Variants in PHF20 observed in about 807,000 individuals in gnomAD.
PHF20 encodes the protein PHD finger protein 20.
PHF20 carries 23 observed loss-of-function variants against 113.5 expected under a neutral mutation model. The ratio of observed to expected loss-of-function variants is 0.20; its 90% confidence interval spans 0.15 to 0.29. The LOEUF (loss-of-function observed/expected upper bound fraction) is 0.29, where lower values mean the gene tolerates loss of function less well. Ranked by LOEUF, PHF20 falls within the 10% of genes least tolerant of loss-of-function variation. The pLI is 1.00. For missense variants in PHF20, 943 were observed against 1,219.6 expected (o/e 0.77, Z 3.38); for synonymous variants, 434 against 457.3 (o/e 0.95, Z 0.65).
chr20:35,780,319 G>T (rs1271138577), intron 1 of PHF20, among the ~76,000 whole-genome samples: 2 of 146,424 alleles, frequency 1.4e-5, no homozygotes, highest in African/African-American at 2.5e-5. Context: ...TCCGCCTCCC[G>T]GGTTTACGCC....
intron 1 of PHF20, among the ~76,000 whole-genome samples, chr20:35,778,529 C>T (rs1386893107): frequency 6.6e-6 from 1 of 152,050 alleles, no homozygotes; most frequent in Non-Finnish European, 1.5e-5. Flanking sequence ...TCGGATGGAT[C>T]ACCTGAAGTC....
In PHF20 at chr20:35,917,619, G is replaced by A. The variant is rs2055430718; in HGVS notation, c.1961G>A (p.Arg654His). The A allele has an allele frequency of 6.2e-7, 1 of 1,614,034 alleles. No individual in the cohort carries two copies. The highest frequency in any genetic ancestry group is 8.5e-7 in the Non-Finnish European group (1 of 1,179,990). The change falls in exon 13 of 18, where the codon CGC becomes CAC. Residue 654 changes from arginine (R) to histidine (H), a missense_variant. Around this residue, in one of 3 missense-constraint regions of PHF20, gnomAD observed 592 missense variants for 787.2 expected, o/e 0.75. Transcript: ENST00000374012. ...GACCGCTATGACTTCGAGGTGGTCCGCTGCATCTGTGAGGTCCAGGAGGAA... is the reference window on the plus strand; with the variant it reads ...GACCGCTATGACTTCGAGGTGGTCCACTGCATCTGTGAGGTCCAGGAGGAA... ...GDDRYDFEVVRCICEVQEEND... is the reference protein window; with the variant it reads ...GDDRYDFEVVHCICEVQEEND...
chr20:35,858,365 C>G lies in PHF20; in HGVS notation c.404C>G (p.Ala135Gly). Reference sequence around the variant, plus strand: ...ACTGTCAAACATATTCATGTCAAAGCTTTTTCCAAAGATCAGGTGAGAAAT... The same window carrying G: ...ACTGTCAAACATATTCATGTCAAAGGTTTTTCCAAAGATCAGGTGAGAAAT... ...VQTVKHIHVK[A>G]FSKDQNIVGN... Residue 135 changes from alanine to glycine, a missense_variant, in exon 5 of 18, where the codon GCT (alanine) becomes GGT (glycine). By Grantham distance (60) the Ala-to-Gly change is moderately conservative. Coordinates refer to ENST00000374012, the MANE Select transcript of PHF20 (RefSeq NM_016436.5). 6.3e-7 allele frequency: 1 copy of G among 1,588,034 alleles called. No homozygotes were observed. The highest frequency in any genetic ancestry group is 8.6e-7 in the Non-Finnish European group (1 of 1,159,668).
intron 7 of PHF20, among the ~76,000 whole-genome samples, chr20:35,870,449 C>T (rs1380256141): frequency 6.6e-6 from 1 of 151,910 alleles, no homozygotes; most frequent in African/African-American, 2.4e-5. Context: ...CCACTGCCCT[C>T]CAGCCTGGGT....
chr20:35,792,209 G>A (rs548092744), intron 1 of PHF20, among the ~76,000 whole-genome samples: 41 of 151,802 alleles, frequency 2.7e-4, no homozygotes, highest in African/African-American at 8.9e-4. Flanking sequence ...TTTTTTTTAC[G>A]ACAGAGTCTT....
At position 35,940,884 on chromosome 20, in the gene PHF20, A is replaced by C; in HGVS notation, c.2733A>C (p.Lys911Asn). The change falls in exon 17 of 18, where the codon AAA (lysine) becomes AAC (asparagine). Residue 911 changes from lysine (K) to asparagine (N), a missense_variant. This residue lies in a region of PHF20 where 349 missense variants were observed against 412.3 expected (regional missense o/e 0.85). Coordinates refer to ENST00000374012, the MANE Select transcript of PHF20 (RefSeq NM_016436.5). The stretch of plus-strand genomic sequence containing the variant: ...CCCAGGTGAAGGAATATGTCTCCAA[A>C]AAGGCCCTACCAGAAGAAGCCCCTG... ...GSPKVKEYVS[K>N]KALPEEAPAR... 2 of 1,613,532 alleles carry C rather than the reference A, an allele frequency of 1.2e-6. No homozygotes were observed. The highest frequency in any genetic ancestry group is 1.7e-6 in the Non-Finnish European group (2 of 1,179,772).
chr20:35,772,163 G>C (rs1437233666), intron 1 of PHF20, 84 bp downstream of exon 1: 1 of 150,126 alleles, frequency 6.7e-6, no homozygotes, highest in Non-Finnish European at 1.5e-5. Flanking sequence ...GGGCGGGGAC[G>C]GCGACGGACG....
chr20:35,791,537 G>GTATATA (rs59752864), intron 1 of PHF20, among the ~76,000 whole-genome samples: 1,390 of 127,198 alleles, frequency 0.011, 21 homozygotes, highest in African/African-American at 0.024. Flanking sequence ...TTAGAATAGT[G>GTATATA]TATATATATA....
chr20:35,780,187 C>T (rs1195497422), intron 1 of PHF20, among the ~76,000 whole-genome samples: 1 of 151,512 alleles, frequency 6.6e-6, no homozygotes, highest in Non-Finnish European at 1.5e-5. Context: ...TGGAAACCAG[C>T]ACTGAGGCAC....
chr20:35,788,665 C>T (rs1423082022), intron 1 of PHF20, among the ~76,000 whole-genome samples: 1 of 152,146 alleles, frequency 6.6e-6, no homozygotes, highest in Non-Finnish European at 1.5e-5. Flanking sequence ...GCAACCTCCA[C>T]CTCCCATGTT....
intron 9 of PHF20, among the ~76,000 whole-genome samples, chr20:35,880,513 G>T (rs182829080): frequency 1.3e-5 from 2 of 152,110 alleles, no homozygotes; most frequent in South Asian, 2.1e-4. Context: ...TGGCCATAAG[G>T]TATTTTTTCT....
rs148363667 is a variant in PHF20 at position 35,811,592 on chromosome 20, G to A, written c.83+9987G>A. 5.3e-3 allele frequency among the ~76,000 whole-genome samples: 807 copies of A among 151,770 alleles called. 9 individuals are homozygous for A. Among genetic ancestry groups the A allele is most frequent in the African/African-American group, 0.019 (770 of 41,382 alleles). On this transcript the variant is annotated intron_variant, in intron 2 of 17. Transcript: ENST00000374012. ...CAAGCAGCTCGGATTACATGCATGCGCCACCACGCTCAGCTAATTTTTTTT... is the reference window on the plus strand; with the variant it reads ...CAAGCAGCTCGGATTACATGCATGCACCACCACGCTCAGCTAATTTTTTTT...
intron 4 of PHF20, among the ~76,000 whole-genome samples, chr20:35,848,935 A>G (rs546683673): frequency 6.6e-6 from 1 of 151,904 alleles, no homozygotes; most frequent in Non-Finnish European, 1.5e-5. Context: ...TCTCGAGGCT[A>G]TGATAGTTCC....
chr20:35,926,008 G>A (rs2055622761), intron 13 of PHF20, among the ~76,000 whole-genome samples: 1 of 150,198 alleles, frequency 6.7e-6, no homozygotes, highest in Non-Finnish European at 1.5e-5. Context: ...TATAGTCCCA[G>A]CTACTCAGGA....
intron 6 of PHF20, among the ~76,000 whole-genome samples, chr20:35,868,529 C>T (rs1228543217): frequency 6.6e-6 from 1 of 152,024 alleles, no homozygotes; most frequent in African/African-American, 2.4e-5. Context: ...TCACTTGAAC[C>T]CAGGAGGCAG....
chr20:35,886,118 T>C (rs1261528800), intron 9 of PHF20, among the ~76,000 whole-genome samples: 1 of 151,796 alleles, frequency 6.6e-6, no homozygotes, highest in Non-Finnish European at 1.5e-5. Flanking sequence ...AATTATAATC[T>C]TGAGATTATG....
chr20:35,861,831 T>C (rs150423183), intron 5 of PHF20, among the ~76,000 whole-genome samples: 2 of 152,216 alleles, frequency 1.3e-5, no homozygotes, highest in African/African-American at 2.4e-5. Context: ...TATTTTTCCC[T>C]GTAGAACAAA....
At chr20:35,932,007 C>G (rs2055765824) in intron 15 of PHF20, among the ~76,000 whole-genome samples, 1 of 151,118 alleles carries the variant, frequency 6.6e-6, no homozygotes, top group African/African-American at 2.4e-5. Flanking sequence ...GAAGCCACCA[C>G]CAGAATCAAT....
At chr20:35,858,493 A>T (rs567359543) in intron 5 of PHF20, 112 bp downstream of exon 5, 6 of 582,210 alleles carry the variant, frequency 1.0e-5, no homozygotes, top group African/African-American at 3.8e-5. Context: ...TATTTCCTCC[A>T]TCTGACACAA....
Sources: gnomAD v4.1 joint callset for allele counts (sites outside exome capture counted in the v4.1 genomes callset) on GRCh38, gnomAD v4.1.1 for gene constraint, gnomAD v4.1.1 regional missense constraint, MANE v1.5 for transcripts, NCBI Gene and HGNC (gene_info 2026-07-23, HGNC 2026-07-21) for gene names.